MAP3K7CL: variants seen among roughly 807,000 people sequenced by gnomAD.
MAP3K7CL encodes MAP3K7 C-terminal like.
In MAP3K7CL, 16 loss-of-function variants were observed where a neutral mutation model predicts 18.6. That is an observed-to-expected ratio of 0.86 (90% CI 0.58 to 1.31). MAP3K7CL has a LOEUF of 1.31. Among genes scored for constraint, MAP3K7CL ranks in the 50% most tolerant of loss-of-function variants. MAP3K7CL has a pLI of 0.00. For missense variants in MAP3K7CL, 163 were observed against 174.4 expected (o/e 0.93, Z 0.37); for synonymous variants, 65 against 66.8 (o/e 0.97, Z 0.13).
chr21:29,116,044 T>G (rs2086499585), intron 4 of MAP3K7CL, among the ~76,000 whole-genome samples: 1 of 152,250 alleles, frequency 6.6e-6, no homozygotes, highest in South Asian at 2.1e-4. Flanking sequence ...TTATGTATAC[T>G]CTAGTGGTTT....
At chr21:29,162,311 C>CT (rs146989290) in intron 4 of MAP3K7CL, among the ~76,000 whole-genome samples, 32,196 of 142,558 alleles carry the variant, frequency 0.23, 3,568 homozygotes, top group East Asian at 0.35. Context: ...TTATGTGTAG[C>CT]TTTTTTTTTT....
intron 4 of MAP3K7CL, among the ~76,000 whole-genome samples, chr21:29,098,956 C>T (rs919314461): frequency 2.6e-5 from 4 of 152,196 alleles, no homozygotes; most frequent in Admixed American, 1.3e-4. Context: ...TCAAAGATGC[C>T]AAAGTGGCAG....
intron 4 of MAP3K7CL, among the ~76,000 whole-genome samples, chr21:29,118,469 C>A (rs1047631591): frequency 1.3e-5 from 2 of 151,978 alleles, no homozygotes; most frequent in Non-Finnish European, 2.9e-5. Context: ...AAGGGCAAGG[C>A]ACTGATCATG....
chr21:29,127,904 T>C (rs1202563312), upstream of MAP3K7CL: 4 of 152,264 alleles, frequency 2.6e-5, no homozygotes, highest in Non-Finnish European at 5.9e-5. Context: ...AATATGTAAC[T>C]GTCTCTTTCT....
intron 3 of MAP3K7CL, among the ~76,000 whole-genome samples, chr21:29,150,196 G>A (rs1408808653): frequency 4.6e-5 from 7 of 152,144 alleles, no homozygotes; most frequent in Admixed American, 2.6e-4. Flanking sequence ...TCTTATTCCT[G>A]GACAGCCCTC....
intron 4 of MAP3K7CL, among the ~76,000 whole-genome samples, chr21:29,167,354 T>C (rs2087713573): frequency 6.6e-6 from 1 of 152,248 alleles, no homozygotes; most frequent in Non-Finnish European, 1.5e-5. Context: ...GAGACTTATA[T>C]TGTCATGTCT....
intron 3 of MAP3K7CL, among the ~76,000 whole-genome samples, chr21:29,158,750 G>C (rs1237903549): frequency 1.4e-5 from 2 of 147,650 alleles, no homozygotes; most frequent in Non-Finnish European, 2.9e-5. Context: ...GACCTTGTCA[G>C]ATACATAGTT....
chr21:29,090,525 C>T (rs540245981), intron 1 of MAP3K7CL, among the ~76,000 whole-genome samples: 64 of 152,194 alleles, frequency 4.2e-4, no homozygotes, highest in Non-Finnish European at 7.6e-4. Flanking sequence ...GGACTACAGG[C>T]ACCCCTACCA....
At chr21:29,121,175 T>C (rs1313830688) in intron 4 of MAP3K7CL, among the ~76,000 whole-genome samples, 1 of 151,436 alleles carries the variant, frequency 6.6e-6, no homozygotes, top group East Asian at 1.9e-4. Flanking sequence ...GTGAAGGAAA[T>C]GGCACTCAAG....
At chr21:29,095,821 C>G (rs2086112807) in intron 4 of MAP3K7CL, among the ~76,000 whole-genome samples, 1 of 152,196 alleles carries the variant, frequency 6.6e-6, no homozygotes, top group Non-Finnish European at 1.5e-5. Context: ...AGGGACCACA[C>G]TTTGAGTAGC....
intron 3 of MAP3K7CL, among the ~76,000 whole-genome samples, chr21:29,159,630 T>G (rs2251517): frequency 0.43 from 64,652 of 151,942 alleles, 14,149 homozygotes; most frequent in South Asian, 0.5. Context: ...TAGAATCCTT[T>G]GGAGACTTAT....
At chr21:29,105,481 A>G (rs890705467) in intron 4 of MAP3K7CL, among the ~76,000 whole-genome samples, 2 of 152,206 alleles carry the variant, frequency 1.3e-5, no homozygotes, top group African/African-American at 4.8e-5. Flanking sequence ...TAAAGGAATA[A>G]TCCTAGTACT....
chr21:29,147,188 GTA>G (rs1312328799), intron 2 of MAP3K7CL, among the ~76,000 whole-genome samples: 1 of 151,926 alleles, frequency 6.6e-6, no homozygotes, highest in African/African-American at 2.4e-5. Flanking sequence ...TATGTGTACT[GTA>G]TATGCATATG....
chr21:29,133,197 G>T, intron 1 of MAP3K7CL, 109 bp from the exon 2 acceptor site: 1 of 643,468 alleles, frequency 1.6e-6, no homozygotes, highest in South Asian at 2.9e-5. Flanking sequence ...AGAATAAGCA[G>T]GTAATGCTTA....
At chr21:29,132,808 C>A (rs931546004) in intron 1 of MAP3K7CL, among the ~76,000 whole-genome samples, 1 of 152,118 alleles carries the variant, frequency 6.6e-6, no homozygotes, top group African/African-American at 2.4e-5. Flanking sequence ...CCACACCCAG[C>A]GACTTTTGGT....
At chr21:29,117,001 T>A (rs2086514852) in intron 4 of MAP3K7CL, among the ~76,000 whole-genome samples, 1 of 152,194 alleles carries the variant, frequency 6.6e-6, no homozygotes, top group South Asian at 2.1e-4. Context: ...TCACTTTGAT[T>A]CTAATTATTG....
chr21:29,166,774 G>T (rs1357006489), intron 4 of MAP3K7CL, among the ~76,000 whole-genome samples: 2 of 152,162 alleles, frequency 1.3e-5, no homozygotes, highest in Admixed American at 6.5e-5. Context: ...TCCATTGTAT[G>T]AATATATAAT....
chr21:29,168,395 A>G (rs1231431584), intron 4 of MAP3K7CL, among the ~76,000 whole-genome samples: 5 of 152,200 alleles, frequency 3.3e-5, no homozygotes. Context: ...CTTTCAATAA[A>G]TACTTGCTGA....
At chr21:29,077,210 T>TG (rs1204709806), upstream of MAP3K7CL, among the ~76,000 whole-genome samples, 3 of 152,222 alleles carry the variant, frequency 2.0e-5, no homozygotes, top group Non-Finnish European at 4.4e-5. Flanking sequence ...CCTCAGCCCT[T>TG]GGGTGGTTGA....
Sources: allele counts gnomAD v4.1 joint callset (sites outside exome capture counted in the v4.1 genomes callset), GRCh38; gene constraint gnomAD v4.1.1; transcripts MANE v1.5; gene names NCBI Gene and HGNC (gene_info 2026-07-23, HGNC 2026-07-21).